The following BABAM2 variants were observed in gnomAD, a reference collection of about 807,000 sequenced individuals.
BABAM2 encodes BRISC and BRCA1 A complex member 2.
A neutral mutation model predicts 54.7 loss-of-function variants in BABAM2; 31 were observed. That is an observed-to-expected ratio of 0.57 (90% CI 0.43 to 0.77). BABAM2 has a LOEUF of 0.77. Among genes scored for constraint, BABAM2 ranks in the 30% least tolerant of loss-of-function variants. The pLI is 0.00. For missense variants in BABAM2, 364 were observed against 455.8 expected, an observed-to-expected ratio of 0.80 and a Z score of 1.83; for synonymous variants, 167 against 162.9, an observed-to-expected ratio of 1.03 and a Z score of -0.19.
In BABAM2 at chr2:27,986,780, G is replaced by A. The variant is rs149555434; in HGVS notation, c.206-1213G>A. On this transcript the variant is annotated intron_variant, in intron 3 of 11. Coordinates refer to ENST00000379624, the MANE Select transcript of BABAM2 (RefSeq NM_199191.3). ...ATGATTGGATTGATAAAGCTGTTAT[G>A]TATGTATGTGTACAGAGGTGGTATA... is the stretch of plus-strand genomic sequence containing the variant. 7.6e-3 allele frequency among the ~76,000 whole-genome samples: 1,164 copies of A among 152,204 alleles called. 15 individuals are homozygous for A. The highest frequency in any genetic ancestry group is 0.013 in the Non-Finnish European group (886 of 67,988).
chr2:28,118,623 C>T (rs1055872296), intron 6 of BABAM2, among the ~76,000 whole-genome samples: 1 of 151,870 alleles, frequency 6.6e-6, no homozygotes, highest in African/African-American at 2.4e-5. Context: ...GGATATTAGC[C>T]CTTTGTCAGA....
chr2:27,985,565 A>G (rs1320935111), intron 3 of BABAM2, among the ~76,000 whole-genome samples: 1 of 152,138 alleles, frequency 6.6e-6, no homozygotes, highest in Non-Finnish European at 1.5e-5. Flanking sequence ...AGTTCAGAGA[A>G]TAGAATTTCT....
intron 6 of BABAM2, among the ~76,000 whole-genome samples, chr2:28,107,670 C>T (rs1394741067): frequency 2.0e-5 from 3 of 152,206 alleles, no homozygotes; most frequent in Non-Finnish European, 4.4e-5. Flanking sequence ...CTCTTGCATC[C>T]TTCCTTTGTC....
intron 2 of BABAM2, among the ~76,000 whole-genome samples, chr2:27,899,650 A>G (rs922039761): frequency 3.9e-5 from 6 of 152,070 alleles, no homozygotes; most frequent in African/African-American, 1.4e-4. Context: ...TATTTTTAGT[A>G]GAGATGGGGT....
intron 7 of BABAM2, among the ~76,000 whole-genome samples, chr2:28,213,731 A>G (rs1022921869): frequency 6.6e-6 from 1 of 152,114 alleles, no homozygotes; most frequent in Non-Finnish European, 1.5e-5. Flanking sequence ...GTTTATTTAT[A>G]TGTCTAATGT....
intron 10 of BABAM2, among the ~76,000 whole-genome samples, chr2:28,297,348 A>G (rs574230396): frequency 6.6e-6 from 1 of 152,346 alleles, no homozygotes; most frequent in Non-Finnish European, 1.5e-5. Flanking sequence ...GATACCCTGT[A>G]AATCTAGAAA....
At chr2:28,237,786 G>A (rs531983146) in intron 8 of BABAM2, among the ~76,000 whole-genome samples, 47 of 152,212 alleles carry the variant, frequency 3.1e-4, no homozygotes, top group Non-Finnish European at 5.4e-4. Flanking sequence ...GATTCTTCCC[G>A]TCATATCTGG....
At chr2:28,263,506 G>C (rs1436773951) in intron 10 of BABAM2, among the ~76,000 whole-genome samples, 7 of 152,246 alleles carry the variant, frequency 4.6e-5, no homozygotes, top group African/African-American at 1.4e-4. Flanking sequence ...GTTAGGGATA[G>C]GTTACAGATA....
chr2:28,195,174 G>C (rs1223568541), intron 7 of BABAM2, among the ~76,000 whole-genome samples: 1 of 152,056 alleles, frequency 6.6e-6, no homozygotes, highest in African/African-American at 2.4e-5. Flanking sequence ...TGGCATTGGG[G>C]GATAAAAAAT....
At position 28,332,366 on chromosome 2, in the gene BABAM2, G is replaced by A. The variant is rs542890613; in HGVS notation, c.1089-6084G>A. 3.9e-5 allele frequency among the ~76,000 whole-genome samples: 6 copies of A among 152,282 alleles called. No homozygotes were observed. In the South Asian group the frequency reaches 6.2e-4, roughly 16 times the overall value. ...ATAGATGAAGAATCAGGACACAAAA[G>A]GGTTAAGTGGCTTGCTCAAGATCAC... On this transcript the variant is annotated intron_variant, in intron 11 of 11. Transcript: ENST00000379624.
intron 10 of BABAM2, among the ~76,000 whole-genome samples, chr2:28,270,419 C>A (rs1353749872): frequency 2.0e-5 from 3 of 152,172 alleles, no homozygotes; most frequent in Admixed American, 6.5e-5. Flanking sequence ...CTTTGCCTGG[C>A]CCCTCATGAA....
At chr2:27,977,331 G>A (rs1237827689) in intron 3 of BABAM2, among the ~76,000 whole-genome samples, 1 of 152,176 alleles carries the variant, frequency 6.6e-6, no homozygotes, top group Admixed American at 6.5e-5. Context: ...TTTGAAGTTA[G>A]GAGTGCCAAC....
intron 6 of BABAM2, among the ~76,000 whole-genome samples, chr2:28,115,837 G>A (rs1668567015): frequency 1.3e-5 from 2 of 151,828 alleles, no homozygotes; most frequent in East Asian, 1.9e-4. Flanking sequence ...TTGGGAGGCC[G>A]GGCATGGTGG....
chr2:28,095,739 G>A (rs1666560872), intron 6 of BABAM2, among the ~76,000 whole-genome samples: 1 of 152,144 alleles, frequency 6.6e-6, no homozygotes, highest in Admixed American at 6.5e-5. Context: ...TTCATTAATG[G>A]AAATGCTGTT....
At chr2:28,320,066 C>T (rs1042565088) in intron 11 of BABAM2, among the ~76,000 whole-genome samples, 1 of 152,182 alleles carries the variant, frequency 6.6e-6, no homozygotes, top group Non-Finnish European at 1.5e-5. Flanking sequence ...CGATTTCCAC[C>T]ACTCAATTCA....
chr2:27,894,779 C>A, intron 2 of BABAM2, 95 bp downstream of exon 2: 1 of 1,397,116 alleles, frequency 7.2e-7, no homozygotes, highest in Non-Finnish European at 9.9e-7. Flanking sequence ...AAATTGACTG[C>A]CACAGAAACC....
chr2:28,146,880 G>T (rs1354436333), intron 7 of BABAM2, among the ~76,000 whole-genome samples: 2 of 152,176 alleles, frequency 1.3e-5, no homozygotes, highest in Admixed American at 1.3e-4. Context: ...ATTTAAAAGT[G>T]TTCAGGACCC....
intron 4 of BABAM2, among the ~76,000 whole-genome samples, chr2:28,011,175 G>A (rs1469668841): frequency 2.6e-5 from 4 of 152,282 alleles, no homozygotes; most frequent in East Asian, 3.9e-4. Flanking sequence ...GATGTTGGAC[G>A]TGAAACAATG....
intron 10 of BABAM2, among the ~76,000 whole-genome samples, chr2:28,298,046 T>A (rs1463437478): frequency 6.6e-6 from 1 of 152,208 alleles, no homozygotes; most frequent in East Asian, 1.9e-4. Flanking sequence ...CATCCTTCCC[T>A]AAGCTTCTGT....
Sources: gnomAD v4.1 joint callset for allele counts (sites outside exome capture counted in the v4.1 genomes callset) on GRCh38, gnomAD v4.1.1 for gene constraint, MANE v1.5 for transcripts, NCBI Gene and HGNC (gene_info 2026-07-23, HGNC 2026-07-21) for gene names.